The following FBXL2 variants were observed in gnomAD, a reference collection of about 807,000 sequenced individuals.
FBXL2 encodes the protein F-box and leucine rich repeat protein 2.
A neutral mutation model predicts 69.2 loss-of-function variants in FBXL2; 38 were observed. That is an observed-to-expected ratio of 0.55 (90% CI 0.42 to 0.72). The LOEUF is 0.72. Among genes scored for constraint, FBXL2 ranks in the 30% least tolerant of loss-of-function variants. FBXL2 has a pLI of 0.00. For synonymous variants in FBXL2, 192 were observed against 201.3 expected, an observed-to-expected ratio of 0.95 and a Z score of 0.39; for missense variants, 354 against 520.3, an observed-to-expected ratio of 0.68 and a Z score of 3.11.
intron 4 of FBXL2, among the ~76,000 whole-genome samples, chr3:33,360,062 G>T (rs916431933): frequency 6.6e-6 from 1 of 152,146 alleles, no homozygotes; most frequent in Non-Finnish European, 1.5e-5. Flanking sequence ...TGAAGTGCTG[G>T]TTTGAGGGTC....
intron 12 of FBXL2, chr3:33,398,218 T>C (rs539630392): frequency 6.6e-6 from 1 of 152,360 alleles, no homozygotes; most frequent in South Asian, 2.1e-4. Flanking sequence ...ATATGATAAA[T>C]AGCCACTTAC....
At chr3:33,292,175 T>C (rs1380796048) in intron 1 of FBXL2, among the ~76,000 whole-genome samples, 2 of 151,596 alleles carry the variant, frequency 1.3e-5, no homozygotes, top group Non-Finnish European at 2.9e-5. Context: ...AGCTCAGGAG[T>C]TTGAGACCAG....
chr3:33,340,262 T>C (rs2039912764), intron 2 of FBXL2, among the ~76,000 whole-genome samples: 1 of 152,140 alleles, frequency 6.6e-6, no homozygotes, highest in Admixed American at 6.5e-5. Flanking sequence ...CCTTAGTGGA[T>C]GAATGTTATA....
chr3:33,390,712 C>G (rs1375133802), downstream of FBXL2: 2 of 293,578 alleles, frequency 6.8e-6, no homozygotes, highest in Non-Finnish European at 1.3e-5. Context: ...GTGAAATATA[C>G]TGTGTCAGGG....
the FBXL2 span, among the ~76,000 whole-genome samples, chr3:33,420,492 T>C: frequency 1.4e-3 from 210 of 149,702 alleles, 4 homozygotes; most frequent in East Asian, 0.037. Flanking sequence ...TACTGGCTTT[T>C]TTTTTTTTTT....
chr3:33,373,113 A>C lies in FBXL2; in HGVS notation c.312A>C (p.Arg104=). 2 of 1,614,270 alleles carry C rather than the reference A, an allele frequency of 1.2e-6. No homozygotes were observed. Among genetic ancestry groups the C allele is most frequent in the Non-Finnish European group, 1.7e-6 (2 of 1,180,042 alleles). ...TTAGGACCTTTGCACAGAACTGCCGAAACATTGAACATTTGAACCTCAATG... is the reference window on the plus strand; with the variant it reads ...TTAGGACCTTTGCACAGAACTGCCGCAACATTGAACATTTGAACCTCAATG... ...SSLKTFAQNC[R]NIEHLNLNGC... The change falls in exon 6 of 15, where the codon CGA becomes CGC. Residue 104 remains arginine (R), a synonymous_variant. Coordinates refer to ENST00000484457, the MANE Select transcript of FBXL2 (RefSeq NM_012157.5).
the FBXL2 span, chr3:33,411,464 A>T: frequency 2.4e-6 from 2 of 839,782 alleles, no homozygotes; most frequent in Non-Finnish European, 3.8e-6. Flanking sequence ...ATAGAAAGAC[A>T]CTACAACATA....
the FBXL2 span, chr3:33,408,874 T>C: frequency 3.2e-6 from 4 of 1,250,116 alleles, no homozygotes; most frequent in Non-Finnish European, 4.6e-6. Context: ...TTCATGTCTC[T>C]TCAGTCCAAT....
At chr3:33,356,137 G>A (rs1042942999) in intron 2 of FBXL2, among the ~76,000 whole-genome samples, 1 of 152,132 alleles carries the variant, frequency 6.6e-6, no homozygotes, top group South Asian at 2.1e-4. Context: ...CTTCACTTGT[G>A]AGTGAAGCAT....
chr3:33,300,952 C>T (rs943167471), intron 2 of FBXL2, among the ~76,000 whole-genome samples: 1 of 152,064 alleles, frequency 6.6e-6, no homozygotes, highest in Non-Finnish European at 1.5e-5. Context: ...ATCCGCCCGC[C>T]TTGGCCTCCC....
At chr3:33,414,389 T>G in the FBXL2 span, among the ~76,000 whole-genome samples, 1 of 152,134 alleles carries the variant, frequency 6.6e-6, no homozygotes, top group African/African-American at 2.4e-5. Flanking sequence ...TTTTCAGAAC[T>G]AGCAACATGT....
upstream of FBXL2, chr3:33,277,054 CAGAT>C (rs2033345831): frequency 6.3e-6 from 1 of 159,018 alleles, no homozygotes; most frequent in African/African-American, 2.4e-5. Flanking sequence ...AAGCTTGAAG[CAGAT>C]AGAATGGAAT....
chr3:33,357,772 G>A (rs868102549), intron 2 of FBXL2, among the ~76,000 whole-genome samples: 11 of 151,914 alleles, frequency 7.2e-5, no homozygotes, highest in Admixed American at 4.6e-4. Context: ...CTCGTGATCC[G>A]CCCACCTCGG....
intron 12 of FBXL2, chr3:33,400,358 T>C: frequency 8.2e-7 from 1 of 1,221,566 alleles, no homozygotes; most frequent in Non-Finnish European, 1.1e-6. Context: ...ACAGAAAGCC[T>C]CGGAGTCTGA....
At chr3:33,361,031 A>C (rs2041585346) in intron 4 of FBXL2, among the ~76,000 whole-genome samples, 1 of 138,292 alleles carries the variant, frequency 7.2e-6, no homozygotes, top group South Asian at 2.2e-4. Flanking sequence ...TCCTGGGTTC[A>C]TGCGATTCTC....
chr3:33,346,491 C>T (rs2040446599), intron 2 of FBXL2, among the ~76,000 whole-genome samples: 1 of 151,844 alleles, frequency 6.6e-6, no homozygotes, highest in Non-Finnish European at 1.5e-5. Flanking sequence ...CCCAGGATTT[C>T]AAGGTTACAG....
intron 2 of FBXL2, among the ~76,000 whole-genome samples, chr3:33,357,819 G>A (rs1346050468): frequency 2.6e-5 from 4 of 152,102 alleles, no homozygotes; most frequent in Non-Finnish European, 4.4e-5. Context: ...GTGAGCCACC[G>A]CGCCCAGCCA....
intron 13 of FBXL2, among the ~76,000 whole-genome samples, chr3:33,380,439 T>C (rs1383467068): frequency 1.3e-5 from 2 of 149,886 alleles, no homozygotes; most frequent in Non-Finnish European, 3.0e-5. Flanking sequence ...ATGCCTATAA[T>C]CCCAGCTACT....
Position 33,277,469 on chromosome 3 carries a change from G to A in FBXL2, c.-44G>A, listed in dbSNP as rs13076964. ...CACCAGGACAACGGGCGTCGCCGGC[G>A]CCGTGTGACTTCGGGCTGTGGGCTC... On this transcript the variant is annotated 5_prime_UTR_variant, in exon 1 of 15. Transcript: ENST00000484457. The A allele has an allele frequency of 7.9e-6, 10 of 1,273,088 alleles. No homozygotes were observed. The highest frequency in any genetic ancestry group is 3.1e-5 in the East Asian group (1 of 32,084). The allele number at this position is 1,273,088 out of a possible 1,614,324, so 78.9% of individuals were successfully genotyped here.
Sources: gnomAD v4.1 joint callset for allele counts (sites outside exome capture counted in the v4.1 genomes callset) on GRCh38, gnomAD v4.1.1 for gene constraint, MANE v1.5 for transcripts, NCBI Gene and HGNC (gene_info 2026-07-23, HGNC 2026-07-21) for gene names.